The following PRPF3 variants were observed in gnomAD, a reference collection of about 807,000 sequenced individuals.
The protein encoded by PRPF3 is pre-mRNA processing factor 3.
Under a neutral mutation model 89.2 loss-of-function variants are expected in PRPF3, and 3 were observed. The observed-to-expected ratio is 0.03, with a 90% confidence interval of 0.02 to 0.09. The LOEUF (loss-of-function observed/expected upper bound fraction) is 0.09. PRPF3 is among the 10% of genes least tolerant of loss of function. The probability of loss-of-function intolerance (pLI) is 1.00; values close to 1 mark genes in which losing one functional copy is unlikely to be tolerated. For missense variants in PRPF3, 463 were observed against 828.8 expected (o/e 0.56, Z 5.42); for synonymous variants, 270 against 289.1 (o/e 0.93, Z 0.67).
chr1:150,328,003 TAGGC>T (rs1447166851), intron 3 of PRPF3: 7 of 358,960 alleles, frequency 2.0e-5, no homozygotes, highest in African/African-American at 1.5e-4. Flanking sequence ...AGGTGAGTTT[TAGGC>T]AGGATTTGGA....
Position 150,348,056 on chromosome 1 carries a change from T to C in PRPF3, c.1844-1101T>C, listed in dbSNP as rs145522183. Among the ~76,000 whole-genome samples the C allele has an allele frequency of 3.8e-3, 573 of 152,308 alleles. 1 individual carries two copies. The highest frequency in any genetic ancestry group is 0.014 in the Middle Eastern group (4 of 294). ...ATCATACTCCCATTAGTGTTCATTCTTCTCATCTTTGAACACCTGGATTAG... is the reference window on the plus strand; with the variant it reads ...ATCATACTCCCATTAGTGTTCATTCCTCTCATCTTTGAACACCTGGATTAG... On this transcript the variant is annotated intron_variant, in intron 14 of 15. Coordinates refer to ENST00000324862, the MANE Select transcript of PRPF3 (RefSeq NM_004698.4).
chr1:150,330,037 G>C (rs2101960994), intron 4 of PRPF3: 1 of 152,314 alleles, frequency 6.6e-6, no homozygotes, highest in South Asian at 2.1e-4. Context: ...TGGGATTATA[G>C]GCGTGAGCCA....
intron 3 of PRPF3, 180 bp from the exon 4 acceptor site, chr1:150,328,140 A>T (rs1655922115): frequency 6.3e-6 from 4 of 630,660 alleles, no homozygotes; most frequent in Non-Finnish European, 5.6e-6. Flanking sequence ...GGATTAGGAG[A>T]ATGTTGAAGT....
intron 14 of PRPF3, chr1:150,348,932 G>C: frequency 1.8e-6 from 1 of 543,350 alleles, no homozygotes; most frequent in South Asian, 2.1e-5. Context: ...TGGAGCTCTT[G>C]ATTCATAACA....
intron 15 of PRPF3, among the ~76,000 whole-genome samples, 179 bp downstream of exon 15, chr1:150,349,397 AATT>A (rs1427248617): frequency 6.6e-6 from 1 of 152,222 alleles, no homozygotes; most frequent in Non-Finnish European, 1.5e-5. Context: ...TCATCTGTTT[AATT>A]AAATTCGTGA....
intron 14 of PRPF3, among the ~76,000 whole-genome samples, chr1:150,347,074 A>AT (rs1553873111): frequency 6.6e-6 from 1 of 152,144 alleles, no homozygotes; most frequent in African/African-American, 2.4e-5. Flanking sequence ...CCTGGGTGAC[A>AT]GAATGAGACC....
Position 150,325,794 on chromosome 1 carries a change from G to T in PRPF3, c.189G>T (p.Val63=). The change falls in exon 3 of 16, where the codon GTG becomes GTT. Residue 63 remains valine, a synonymous_variant. Transcript: ENST00000324862. The part of the protein sequence containing the change: ...PFLDDSTLRF[V]DKLFEAVEEG... ...TTGATGATTCTACTCTCCGATTTGT[G>T]GACAAACTGTTTGAGGCTGTGGAGG... 1 of 1,613,568 alleles carries T rather than the reference G, an allele frequency of 6.2e-7. No homozygotes were observed. Among genetic ancestry groups the T allele is most frequent in the Non-Finnish European group, 8.5e-7 (1 of 1,179,688 alleles).
intron 15 of PRPF3, among the ~76,000 whole-genome samples, chr1:150,352,630 A>T (rs945190384): frequency 6.6e-6 from 1 of 152,120 alleles, no homozygotes; most frequent in Admixed American, 6.5e-5. Context: ...GTGCCACTGC[A>T]CTCCAGCCTG....
Position 150,353,167 on chromosome 1 carries a change from G to A in PRPF3, c.*188G>A, listed in dbSNP as rs1270156461. 7.4e-6 allele frequency: 5 copies of A among 676,792 alleles called. No homozygotes were observed. The highest frequency in any genetic ancestry group is 5.4e-5 in the African/African-American group (3 of 55,320). The allele number at this position is 676,792 out of a possible 1,614,324, so 41.9% of individuals were successfully genotyped here. On this transcript the variant is annotated 3_prime_UTR_variant, in exon 16 of 16. Coordinates refer to ENST00000324862, the MANE Select transcript of PRPF3 (RefSeq NM_004698.4). ...TGGTGTTGCCCTTTATTCCCCTTATGTGCATATGATTAAAGAGTTATTTTT... is the reference window on the plus strand; with the variant it reads ...TGGTGTTGCCCTTTATTCCCCTTATATGCATATGATTAAAGAGTTATTTTT...
Position 150,328,187 on chromosome 1 carries a change from G to T in PRPF3, c.277-133G>T, listed in dbSNP as rs587617817. ...GAGAGTCTAGTAGACCCTGCTTCTG[G>T]CAGGTGGCTATTTGCAAGGTTGTGT... On this transcript the variant is annotated intron_variant, in intron 3 of 15. Transcript: ENST00000324862. 7.2e-6 allele frequency: 7 copies of T among 978,118 alleles called. No individual in the cohort carries two copies. The African/African-American group carries it at 1.1e-4, about 16-fold the overall frequency. The allele number at this position is 978,118 out of a possible 1,614,324, so 60.6% of individuals were successfully genotyped here. A position where few individuals can be genotyped will look rare whatever the true frequency, so the allele number is the denominator to read the frequency against.
intron 13 of PRPF3, 54 bp from the exon 14 acceptor site, chr1:150,346,354 T>G (rs1658270888): frequency 5.8e-6 from 9 of 1,540,142 alleles, no homozygotes; most frequent in Non-Finnish European, 6.3e-6. Context: ...CAGAGGTTCT[T>G]TCTACCCCAT....
At chr1:150,338,690 T>A (rs587741566) in intron 8 of PRPF3, among the ~76,000 whole-genome samples, 3 of 152,180 alleles carry the variant, frequency 2.0e-5, no homozygotes, top group African/African-American at 7.2e-5. Context: ...GCTTTTTGTA[T>A]TTTTGATAGA....
intron 9 of PRPF3, among the ~76,000 whole-genome samples, chr1:150,341,218 C>A (rs1224237471): frequency 6.6e-6 from 1 of 151,562 alleles, no homozygotes; most frequent in Non-Finnish European, 1.5e-5. Context: ...CCTCAGCTTG[C>A]TCCTTTTATA....
chr1:150,332,828 C>T (rs1447696895), intron 5 of PRPF3, 61 bp downstream of exon 5: 2 of 1,575,764 alleles, frequency 1.3e-6, no homozygotes, highest in African/African-American at 1.4e-5. Context: ...TTGCCATCCA[C>T]TCAAAATGAG....
At chr1:150,342,668 G>A (rs1365917361) in intron 9 of PRPF3, among the ~76,000 whole-genome samples, 1 of 151,916 alleles carries the variant, frequency 6.6e-6, no homozygotes, top group African/African-American at 2.4e-5. Context: ...GACTACAGGT[G>A]CGTGCCACCA....
At chr1:150,334,900 A>G in intron 6 of PRPF3, 35 bp from the exon 7 acceptor site, 1 of 1,612,598 alleles carries the variant, frequency 6.2e-7, no homozygotes, top group Non-Finnish European at 8.5e-7. Flanking sequence ...TTAATGTTCC[A>G]TACAGGATTT....
intron 8 of PRPF3, among the ~76,000 whole-genome samples, chr1:150,338,569 C>T (rs1187651236): frequency 1.4e-5 from 2 of 146,834 alleles, no homozygotes; most frequent in Non-Finnish European, 3.0e-5. Flanking sequence ...GGCACGATCT[C>T]AGCTCACTGC....
intron 10 of PRPF3, 80 bp downstream of exon 10, chr1:150,343,532 G>GT: frequency 6.5e-7 from 1 of 1,530,944 alleles, no homozygotes; most frequent in Non-Finnish European, 9.0e-7. Context: ...TAACATCTCT[G>GT]TGTTTGAGTG....
intron 6 of PRPF3, among the ~76,000 whole-genome samples, chr1:150,334,703 G>A (rs1434854948): frequency 4.0e-5 from 6 of 151,802 alleles, no homozygotes; most frequent in Admixed American, 2.6e-4. Flanking sequence ...CTGAGTAGGT[G>A]GGACCACAGG....
Sources: allele counts gnomAD v4.1 joint callset (sites outside exome capture counted in the v4.1 genomes callset), GRCh38; gene constraint gnomAD v4.1.1; transcripts MANE v1.5; gene names NCBI Gene and HGNC (gene_info 2026-07-23, HGNC 2026-07-21).